The following ZNF280A variants were observed in gnomAD, a reference collection of about 807,000 sequenced individuals.
The protein encoded by ZNF280A is suppressor of hairy wing homolog 1.
In ZNF280A, 26 loss-of-function variants were observed where a neutral mutation model predicts 35.9. That is an observed-to-expected ratio of 0.72 (90% CI 0.53 to 1.01). The LOEUF (loss-of-function observed/expected upper bound fraction) is 1.01. ZNF280A is among the 50% of genes least tolerant of loss of function. The pLI, the probability that ZNF280A is intolerant of heterozygous loss-of-function variation, is 0.00. For synonymous variants in ZNF280A, 231 were observed against 232.9 expected, an observed-to-expected ratio of 0.99 and a Z score of 0.07; for missense variants, 654 against 652.0, an observed-to-expected ratio of 1.00 and a Z score of -0.03.
chr22:22,514,934 C>T lies in ZNF280A; in HGVS notation c.697G>A (p.Gly233Arg), dbSNP rs1359795756. 2.5e-6 allele frequency: 4 copies of T among 1,613,868 alleles called. No homozygotes were observed. The highest frequency in any genetic ancestry group is 1.1e-5 in the South Asian group (1 of 91,072). Reference sequence around the variant, plus strand: ...TCTGTAAGATTGAAATGTGCCTTTCCATTAGCATCAGGCCAAGGAAATGTT... The same window carrying T: ...TCTGTAAGATTGAAATGTGCCTTTCTATTAGCATCAGGCCAAGGAAATGTT... ...GVTFPWPDANGKAHFNLTDPE... is the reference protein window; with the variant it reads ...GVTFPWPDANRKAHFNLTDPE... Residue 233 changes from glycine (G) to arginine (R), a missense_variant, in exon 2 of 2, where the codon GGA (glycine) becomes AGA (arginine). Gly to Arg is a moderately radical substitution (Grantham distance 125). Transcript: ENST00000302097.
chr22:22,515,301 C>T lies in ZNF280A; in HGVS notation c.330G>A (p.Ser110=), dbSNP rs779630211. The change falls in exon 2 of 2, where the codon TCG becomes TCA. Residue 110 remains serine (S), a synonymous_variant. Coordinates refer to ENST00000302097, the MANE Select transcript of ZNF280A (RefSeq NM_080740.5). ...ACTTCATAGTGACAGGACTATCTGT[C>T]GATCGCCCCTCAGACAGAGAAACCG... ...IMPVSLSEGR[S]TDSPVTMKSS... is the part of the protein sequence containing the mutation. 33 of 1,613,852 alleles carry T rather than the reference C, an allele frequency of 2.0e-5. No homozygotes were observed. Among genetic ancestry groups the T allele is most frequent in the Non-Finnish European group, 2.5e-5 (29 of 1,179,958 alleles).
Position 22,515,886 on chromosome 22 carries a change from T to G in ZNF280A, c.-71-185A>C, listed in dbSNP as rs1408930100. 2.6e-5 allele frequency among the ~76,000 whole-genome samples: 4 copies of G among 152,052 alleles called. 1 individual carries two copies. The highest frequency in any genetic ancestry group is 9.6e-5 in the African/African-American group (4 of 41,502). On this transcript the variant is annotated intron_variant, in intron 1 of 1. Coordinates refer to ENST00000302097, the MANE Select transcript of ZNF280A (RefSeq NM_080740.5). The stretch of plus-strand genomic sequence containing the variant: ...TTTACCTGTCTCTCCTCCCCTGGTC[T>G]TCTGCAGTTGTGAGGCAAAGGAAGC...
rs772381706 is a variant in ZNF280A at position 22,515,432 on chromosome 22, T to C, written c.199A>G (p.Thr67Ala). ...PVVSNILNRV[T>A]PGSNSRRKKG... ...TTTCTTCTTGAATTTGAGCCTGGGG[T>C]GACTCTGTTCAAAATGTTTGAAACG... The change falls in exon 2 of 2, where the codon ACC becomes GCC. Residue 67 changes from threonine (T) to alanine (A), a missense_variant. Coordinates refer to ENST00000302097, the MANE Select transcript of ZNF280A (RefSeq NM_080740.5). The C allele has an allele frequency of 1.2e-6, 2 of 1,613,772 alleles. No individual in the cohort carries two copies. The highest frequency in any genetic ancestry group is 1.3e-5 in the African/African-American group (1 of 74,942).
chr22:22,519,955 T>G (rs1017421218), intron 1 of ZNF280A, 134 bp downstream of exon 1: 5 of 152,064 alleles, frequency 3.3e-5, no homozygotes, highest in African/African-American at 1.2e-4. Flanking sequence ...ATACCCTGGA[T>G]AAGGGAAGAC....
chr22:22,516,645 A>G (rs2062075047), intron 1 of ZNF280A, among the ~76,000 whole-genome samples: 2 of 151,914 alleles, frequency 1.3e-5, no homozygotes, highest in Admixed American at 6.6e-5. Flanking sequence ...TAAGTCTTCA[A>G]TGACTTTCCA....
chr22:22,515,186 C>G lies in ZNF280A; in HGVS notation c.445G>C (p.Val149Leu). Reference sequence around the variant, plus strand: ...CCTCCTCCAGAGACCATAGCTCCAACTAGACACTGAGTCCCTGGGGGGAGC... The same window carrying G: ...CCTCCTCCAGAGACCATAGCTCCAAGTAGACACTGAGTCCCTGGGGGGAGC... ...DSLPPGTQCL[V>L]GAMVSGGGRN... Residue 149 changes from valine (V) to leucine (L), a missense_variant, in exon 2 of 2, where the codon GTT (valine) becomes CTT (leucine). Val to Leu is a conservative substitution (Grantham distance 32). Coordinates refer to ENST00000302097, the MANE Select transcript of ZNF280A (RefSeq NM_080740.5). 1 of 1,613,926 alleles carries G rather than the reference C, an allele frequency of 6.2e-7. No individual in the cohort carries two copies. The highest frequency in any genetic ancestry group is 8.5e-7 in the Non-Finnish European group (1 of 1,179,970).
At chr22:22,515,823 G>A (rs362230) in intron 1 of ZNF280A, 122 bp from the exon 2 acceptor site, 778,653 of 887,012 alleles carry the variant, frequency 0.88, 343,167 homozygotes, top group Middle Eastern at 0.91. Context: ...CGTCAGAAAT[G>A]AGGCTTGAAA....
In ZNF280A at chr22:22,514,016, T is replaced by C. The variant is rs200440438; in HGVS notation, c.1615A>G (p.Lys539Glu). Reference sequence around the variant, plus strand: ...CGAACATATTTTCAGCTAGAATCCTTGCTGCAAGGGAGTCTGGAATCTCTA... The same window carrying C: ...CGAACATATTTTCAGCTAGAATCCTCGCTGCAAGGGAGTCTGGAATCTCTA... ...NTRDSRLPCS[K>E]DSS The change falls in exon 2 of 2, where the codon AAG becomes GAG. Residue 539 changes from lysine (K) to glutamate (E), a missense_variant. Lys to Glu is a moderately conservative substitution (Grantham distance 56). Coordinates refer to ENST00000302097, the MANE Select transcript of ZNF280A (RefSeq NM_080740.5). The C allele has an allele frequency of 3.2e-6, 5 of 1,550,410 alleles. No individual in the cohort carries two copies. The highest frequency in any genetic ancestry group is 4.4e-6 in the Non-Finnish European group (5 of 1,137,910).
At chr22:22,517,513 G>T (rs1232044407) in intron 1 of ZNF280A, among the ~76,000 whole-genome samples, 2 of 151,878 alleles carry the variant, frequency 1.3e-5, no homozygotes, top group African/African-American at 4.8e-5. Context: ...CAAGGGAGAA[G>T]GTAAACCTGT....
Position 22,515,715 on chromosome 22 carries a change from T to G in ZNF280A, c.-71-14A>C. ...ACAAATTGCCACCTAAGTGCAACCA[T>G]GTGACAATAGTCAATATTTATTTCG... On this transcript the variant is annotated splice_polypyrimidine_tract_variant and intron_variant, in intron 1 of 1. Transcript: ENST00000302097. 6.6e-7 allele frequency: 1 copy of G among 1,508,380 alleles called. No individual in the cohort carries two copies. The highest frequency in any genetic ancestry group is 2.4e-5 in the Admixed American group (1 of 41,966). The allele number at this position is 1,508,380 out of a possible 1,614,324, so 93.4% of individuals were successfully genotyped here.
chr22:22,517,849 T>A (rs1209801634), intron 1 of ZNF280A, among the ~76,000 whole-genome samples: 1 of 148,012 alleles, frequency 6.8e-6, no homozygotes, highest in African/African-American at 2.5e-5. Context: ...TCAAACCTTG[T>A]TATATCAGCA....
intron 1 of ZNF280A, 92 bp from the exon 2 acceptor site, chr22:22,515,793 A>G (rs2062062607): frequency 1.8e-6 from 2 of 1,124,546 alleles, no homozygotes; most frequent in Non-Finnish European, 2.4e-6. Flanking sequence ...TGAGATAACC[A>G]TCAACATCTC....
intron 1 of ZNF280A, among the ~76,000 whole-genome samples, chr22:22,518,806 A>G (rs2062106173): frequency 6.6e-6 from 1 of 151,606 alleles, no homozygotes; most frequent in Admixed American, 6.6e-5. Flanking sequence ...AAAAGAAAAA[A>G]GGAATATTTT....
chr22:22,518,949 T>C (rs1177033743), intron 1 of ZNF280A, among the ~76,000 whole-genome samples: 1 of 151,810 alleles, frequency 6.6e-6, no homozygotes, highest in African/African-American at 2.4e-5. Flanking sequence ...TTGAGTACAG[T>C]AGTACCCCCT....
Position 22,514,802 on chromosome 22 carries a change from T to C in ZNF280A, c.829A>G (p.Ser277Gly). ...TTATGCTGTCCATAGTAAAAGTCGC[T>C]AAGTAACACGATGGGATTTTCTTTC... ...PKKENPIVLL[S>G]DFYYGQHKGD... is the part of the protein sequence containing the mutation. The change falls in exon 2 of 2, where the codon AGC becomes GGC. Residue 277 changes from serine to glycine, a missense_variant. By Grantham distance (56) the Ser-to-Gly change is moderately conservative. Coordinates refer to ENST00000302097, the MANE Select transcript of ZNF280A (RefSeq NM_080740.5). 1 of 1,613,948 alleles carries C rather than the reference T, an allele frequency of 6.2e-7. No homozygotes were observed.
At chr22:22,518,723 G>A (rs2062104303) in intron 1 of ZNF280A, among the ~76,000 whole-genome samples, 1 of 150,426 alleles carries the variant, frequency 6.6e-6, no homozygotes, top group Non-Finnish European at 1.5e-5. Flanking sequence ...GGGAGGTGGA[G>A]GTTGCAGTGA....
intron 1 of ZNF280A, among the ~76,000 whole-genome samples, chr22:22,518,445 T>A (rs1368793956): frequency 2.6e-5 from 4 of 151,892 alleles, no homozygotes; most frequent in Admixed American, 6.6e-5. Context: ...ACTTTTTTTT[T>A]ATTAAGATTT....
In ZNF280A at chr22:22,515,047, A is replaced by G. The variant is rs766692445; in HGVS notation, c.584T>C (p.Val195Ala). The G allele has an allele frequency of 6.2e-7, 1 of 1,613,938 alleles. No homozygotes were observed. Among genetic ancestry groups the G allele is most frequent in the South Asian group, 1.1e-5 (1 of 91,074 alleles). ...DGIPGVPSLA[V>A]VPSDMSSTIS... ...TGTAGAAGACATATCTGAAGGGACC[A>G]CAGCTAAAGAAGGTACCCCTGGGAT... The change falls in exon 2 of 2, where the codon GTG (valine) becomes GCG (alanine). Residue 195 changes from valine (V) to alanine (A), a missense_variant. Val to Ala is a moderately conservative substitution (Grantham distance 64). Coordinates refer to ENST00000302097, the MANE Select transcript of ZNF280A (RefSeq NM_080740.5).
Position 22,515,592 on chromosome 22 carries a change from T to A in ZNF280A, c.39A>T (p.Pro13=). The change falls in exon 2 of 2, where the codon CCA becomes CCT. Residue 13 remains proline (P), a synonymous_variant. Coordinates refer to ENST00000302097, the MANE Select transcript of ZNF280A (RefSeq NM_080740.5). ...DIFLCKKVES[P]KKNLRESKQR... ...GTTTGGATTCTCTCAAATTCTTCTT[T>A]GGTGATTCCACTTTCTTACACAAAA... is the stretch of plus-strand genomic sequence containing the variant. The A allele has an allele frequency of 6.2e-7, 1 of 1,603,794 alleles. No individual in the cohort carries two copies. Among genetic ancestry groups the A allele is most frequent in the Non-Finnish European group, 8.5e-7 (1 of 1,177,392 alleles).
Sources: allele counts gnomAD v4.1 joint callset (sites outside exome capture counted in the v4.1 genomes callset), GRCh38; gene constraint gnomAD v4.1.1; transcripts MANE v1.5; gene names NCBI Gene and HGNC (gene_info 2026-07-23, HGNC 2026-07-21).